PRKD1: variants seen among roughly 807,000 people sequenced by gnomAD.
PRKD1 encodes the protein serine/threonine-protein kinase D1.
PRKD1 carries 63 observed loss-of-function variants against 95.9 expected under a neutral mutation model. The observed-to-expected ratio is 0.66, with a 90% CI of 0.54 to 0.81. The LOEUF (loss-of-function observed/expected upper bound fraction) is 0.81, where lower values mean the gene tolerates loss of function less well. Among genes scored for constraint, PRKD1 ranks in the 30% least tolerant of loss-of-function variants. PRKD1 has a pLI of 0.00. For synonymous variants in PRKD1, 425 were observed against 423.1 expected (o/e 1.00, Z -0.05); for missense variants, 1,048 against 1,165.3 (o/e 0.90, Z 1.47).
intron 1 of PRKD1, among the ~76,000 whole-genome samples, chr14:29,793,688 C>T (rs947270453): frequency 4.0e-5 from 6 of 151,864 alleles, no homozygotes; most frequent in African/African-American, 1.5e-4. Context: ...TGAAGCTAGT[C>T]TCCAAAACTC....
chr14:29,736,566 T>C (rs45493591), intron 1 of PRKD1, among the ~76,000 whole-genome samples: 2,224 of 152,304 alleles, frequency 0.015, 27 homozygotes, highest in Non-Finnish European at 0.023. Context: ...CTGGAGCTTA[T>C]TACAAGATCA....
intron 1 of PRKD1, among the ~76,000 whole-genome samples, chr14:29,827,673 A>C (rs1368120653): frequency 6.6e-6 from 1 of 151,808 alleles, no homozygotes; most frequent in African/African-American, 2.4e-5. Context: ...TTTGGGAAAC[A>C]CTACCTTAGA....
At chr14:29,675,867 A>G (rs1327258981) in intron 2 of PRKD1, among the ~76,000 whole-genome samples, 2 of 151,712 alleles carry the variant, frequency 1.3e-5, no homozygotes, top group African/African-American at 4.8e-5. Context: ...TTCTCAGCAA[A>G]CTATCGCAAG....
At chr14:29,893,690 T>C (rs1894019231) in intron 1 of PRKD1, among the ~76,000 whole-genome samples, 1 of 152,228 alleles carries the variant, frequency 6.6e-6, no homozygotes, top group Non-Finnish European at 1.5e-5. Context: ...TTCCATAATA[T>C]CGCTAGCCTT....
chr14:29,704,669 C>A (rs534610517), intron 2 of PRKD1, among the ~76,000 whole-genome samples: 2 of 152,212 alleles, frequency 1.3e-5, no homozygotes, highest in African/African-American at 4.8e-5. Context: ...TGTATCCCCT[C>A]AACAGTAACT....
At chr14:29,594,103 G>A (rs1389387132) in intron 16 of PRKD1, 3 of 454,922 alleles carry the variant, frequency 6.6e-6, no homozygotes, top group Non-Finnish European at 1.3e-5. Context: ...TTGCTGTGAG[G>A]ATCAAGCAGT....
At chr14:29,699,571 G>A (rs939339061) in intron 2 of PRKD1, among the ~76,000 whole-genome samples, 9 of 151,904 alleles carry the variant, frequency 5.9e-5, no homozygotes, top group Non-Finnish European at 1.2e-4. Flanking sequence ...TGCCTTTTAT[G>A]GCAAAGTTTT....
intron 2 of PRKD1, among the ~76,000 whole-genome samples, chr14:29,690,429 G>T (rs961377406): frequency 1.3e-4 from 20 of 152,076 alleles, no homozygotes; most frequent in African/African-American, 4.6e-4. Flanking sequence ...CAAAACATGG[G>T]TGTCATCCTT....
intron 2 of PRKD1, among the ~76,000 whole-genome samples, chr14:29,721,854 C>G (rs553657751): frequency 5.3e-5 from 8 of 152,052 alleles, no homozygotes; most frequent in Non-Finnish European, 1.2e-4. Context: ...CATGAGCAAT[C>G]TTTTCCTGGC....
intron 1 of PRKD1, among the ~76,000 whole-genome samples, chr14:29,824,329 T>C (rs552572360): frequency 6.6e-6 from 1 of 152,186 alleles, no homozygotes; most frequent in African/African-American, 2.4e-5. Context: ...TTTCCATTTA[T>C]GAAAATTAGA....
intron 1 of PRKD1, among the ~76,000 whole-genome samples, chr14:29,778,260 A>C (rs1420592860): frequency 6.6e-6 from 1 of 152,218 alleles, no homozygotes; most frequent in Non-Finnish European, 1.5e-5. Context: ...TTCAAAAGCT[A>C]GCAGAAGGCA....
intron 16 of PRKD1, among the ~76,000 whole-genome samples, chr14:29,596,511 T>C (rs1893310914): frequency 2.0e-5 from 3 of 152,198 alleles, no homozygotes; most frequent in African/African-American, 7.2e-5. Context: ...TAGAGTGCAG[T>C]GGTGCAATCT....
intron 2 of PRKD1, among the ~76,000 whole-genome samples, chr14:29,669,099 T>C (rs1882693386): frequency 6.6e-6 from 1 of 152,216 alleles, no homozygotes; most frequent in African/African-American, 2.4e-5. Context: ...TAAATACATA[T>C]AACACACAAC....
rs543680708 is a variant in PRKD1 at position 29,894,781 on chromosome 14, G to A, written c.264+32468C>T. 2.6e-5 allele frequency among the ~76,000 whole-genome samples: 4 copies of A among 152,306 alleles called. No individual in the cohort carries two copies. The East Asian group carries it at 5.8e-4, about 22-fold the overall frequency. ...GTTTCTCAGTTTCTGAAACAAGCCA[G>A]AACAATACTGAATCACCCCTGGACT... On this transcript the variant is annotated intron_variant, in intron 1 of 17. Transcript: ENST00000331968.
intron 2 of PRKD1, among the ~76,000 whole-genome samples, chr14:29,719,772 G>A (rs895194099): frequency 6.6e-6 from 1 of 152,186 alleles, no homozygotes; most frequent in Non-Finnish European, 1.5e-5. Flanking sequence ...CTTTTCTATG[G>A]CTCAAATCTT....
intron 1 of PRKD1, among the ~76,000 whole-genome samples, chr14:29,743,705 G>A (rs1887086727): frequency 1.3e-5 from 2 of 152,064 alleles, no homozygotes; most frequent in South Asian, 2.1e-4. Flanking sequence ...CCCTTGAATC[G>A]ACTCCAGGCA....
chr14:29,818,030 A>T (rs1457545417), intron 1 of PRKD1, among the ~76,000 whole-genome samples: 1 of 152,358 alleles, frequency 6.6e-6, no homozygotes, highest in East Asian at 1.9e-4. Context: ...GTTGTAAAAA[A>T]AAATGGCATT....
intron 16 of PRKD1, among the ~76,000 whole-genome samples, chr14:29,592,004 G>GC (rs1893146046): frequency 6.6e-6 from 1 of 152,134 alleles, no homozygotes; most frequent in Admixed American, 6.6e-5. Context: ...ATACTGAGCT[G>GC]CCCTTCCATA....
At chr14:29,609,505 T>TGCAC (rs1301780452) in intron 13 of PRKD1, among the ~76,000 whole-genome samples, 7 of 34,044 alleles carry the variant, frequency 2.1e-4, no homozygotes, top group African/African-American at 5.2e-4. Flanking sequence ...TGTGTGTGCG[T>TGCAC]GCACACACAC....
Sources: gnomAD v4.1 joint callset for allele counts (sites outside exome capture counted in the v4.1 genomes callset) on GRCh38, gnomAD v4.1.1 for gene constraint, MANE v1.5 for transcripts, NCBI Gene and HGNC (gene_info 2026-07-23, HGNC 2026-07-21) for gene names.